The following PLRG1 variants were observed in gnomAD, a reference collection of about 807,000 sequenced individuals.
PLRG1 encodes pleiotropic regulator 1, also known as pleiotropic regulator 1 (PRL1 homolog, Arabidopsis).
Under a neutral mutation model 74.9 loss-of-function variants are expected in PLRG1, and 28 were observed. The observed-to-expected ratio is 0.37, with a 90% CI of 0.28 to 0.51. The LOEUF (loss-of-function observed/expected upper bound fraction) is 0.51. Ranked by LOEUF, PLRG1 falls within the 20% of genes least tolerant of loss-of-function variation. PLRG1 has a pLI of 0.91. For synonymous variants in PLRG1, 197 were observed against 212.4 expected (o/e 0.93, Z 0.63); for missense variants, 445 against 631.9 (o/e 0.70, Z 3.17).
intron 6 of PLRG1, 32 bp from the exon 7 acceptor site, chr4:154,544,578 A>T: frequency 8.3e-7 from 1 of 1,201,480 alleles, no homozygotes; most frequent in Non-Finnish European, 1.2e-6. Context: ...TTATTATTAA[A>T]GACATCATAC....
chr4:154,546,596 A>G (rs1052960424), intron 4 of PLRG1: 7 of 292,136 alleles, frequency 2.4e-5, no homozygotes, highest in African/African-American at 8.8e-5. Context: ...CTTTCTTTAC[A>G]TACTAAGCCT....
At chr4:154,549,039 T>G in intron 1 of PLRG1, 104 bp from the exon 2 acceptor site, 1 of 716,112 alleles carries the variant, frequency 1.4e-6, no homozygotes, top group Admixed American at 2.0e-5. Flanking sequence ...TGTAAAAAGC[T>G]TTATACCACT....
chr4:154,545,040 C>T (rs1334298823), intron 6 of PLRG1, among the ~76,000 whole-genome samples: 1 of 152,130 alleles, frequency 6.6e-6, no homozygotes, highest in African/African-American at 2.4e-5. Flanking sequence ...TATTTAAATA[C>T]TATTTTAACA....
rs1578766778 is a variant in PLRG1 at position 154,539,804 on chromosome 4, C to T, written c.1042+147G>A. 6.1e-5 allele frequency: 39 copies of T among 640,190 alleles called. 1 individual carries two copies. The South Asian group carries it at 6.8e-4, about 11-fold the overall frequency. The allele number at this position is 640,190 out of a possible 1,614,324, so 39.7% of individuals were successfully genotyped here. A position where few individuals can be genotyped will look rare whatever the true frequency, so the allele number is the denominator to read the frequency against. ...AGTGGAATGAAATTTCATTTGAATACATTTCAATTGTCCATGATTAAAATA... is the reference window on the plus strand; with the variant it reads ...AGTGGAATGAAATTTCATTTGAATATATTTCAATTGTCCATGATTAAAATA... On this transcript the variant is annotated intron_variant, in intron 11 of 14. Transcript: ENST00000499023.
At chr4:154,540,254 C>T in intron 10 of PLRG1, 1 of 583,360 alleles carries the variant, frequency 1.7e-6, no homozygotes, top group South Asian at 2.2e-5. Context: ...TTCTAAAAAG[C>T]TAAAAGATCA....
intron 2 of PLRG1, 120 bp from the exon 3 acceptor site, chr4:154,547,973 G>A (rs1729690293): frequency 1.4e-6 from 1 of 694,980 alleles, no homozygotes; most frequent in Non-Finnish European, 2.3e-6. Context: ...GTATTTAAAA[G>A]AATCAAAAAT....
At chr4:154,541,008 A>C in intron 8 of PLRG1, 74 bp from the exon 9 acceptor site, 1 of 1,128,034 alleles carries the variant, frequency 8.9e-7, no homozygotes, top group Non-Finnish European at 1.2e-6. Flanking sequence ...CTGATTATTA[A>C]AACTGAGCTT....
At position 154,536,802 on chromosome 4, in the gene PLRG1, G is replaced by T. The variant is rs1042265370; in HGVS notation, c.1486-58C>A. The T allele has an allele frequency of 2.6e-5, 23 of 880,742 alleles. No individual in the cohort carries two copies. The Admixed American group carries it at 5.4e-4, about 21-fold the overall frequency. 54.6% of individuals were successfully genotyped at this position (880,742 alleles called of 1,614,324 possible). A position where few individuals can be genotyped will look rare whatever the true frequency, so the allele number is the denominator to read the frequency against. On this transcript the variant is annotated intron_variant, in intron 14 of 14. Transcript: ENST00000499023. ...TTATTAGTTTGCTTCATGTCTAATA[G>T]GCTTCCTTTCTAACAAAAATAAGGT... is the stretch of plus-strand genomic sequence containing the variant.
At position 154,544,434 on chromosome 4, in the gene PLRG1, G is replaced by A; in HGVS notation, c.594+11C>T. 1 of 1,413,208 alleles carries A rather than the reference G, an allele frequency of 7.1e-7. No homozygotes were observed. The highest frequency in any genetic ancestry group is 1.0e-6 in the Non-Finnish European group (1 of 997,320). 87.5% of individuals were successfully genotyped at this position (1,413,208 alleles called of 1,614,324 possible). ...TGGTTCACATAATAAAATAAATGCAGAGTCACTCACCCTGTAGAGTTTCCA... is the reference window on the plus strand; with the variant it reads ...TGGTTCACATAATAAAATAAATGCAAAGTCACTCACCCTGTAGAGTTTCCA... On this transcript the variant is annotated intron_variant, in intron 7 of 14. Transcript: ENST00000499023.
At position 154,536,752 on chromosome 4, in the gene PLRG1, T is replaced by C. The variant is rs200722097; in HGVS notation, c.1486-8A>G. On this transcript the variant is annotated splice_polypyrimidine_tract_variant and splice_region_variant and intron_variant, in intron 14 of 14. Coordinates refer to ENST00000499023, the MANE Select transcript of PLRG1 (RefSeq NM_002669.4). ...TGGATGAGTTTCTTCTGTCTAAAAA[T>C]AGAAAAGTGAGTTAAAATAAAGTAT... 1.9e-5 allele frequency: 27 copies of C among 1,444,786 alleles called. No individual in the cohort carries two copies. In the African/African-American group the frequency reaches 3.2e-4, roughly 17 times the overall value. The allele number at this position is 1,444,786 out of a possible 1,614,324, so 89.5% of individuals were successfully genotyped here.
chr4:154,546,153 G>C lies in PLRG1; in HGVS notation c.374C>G (p.Ser125Cys), dbSNP rs761203390. ...QRMPSESAAQ[S>C]LAVALPLQTK... is the part of the protein sequence containing the mutation. ...CTGCAAAGGTAATGCCACCGCTAAG[G>C]ACTGTGCAGCTGATTCACTTGGCAT... The change falls in exon 5 of 15, where the codon TCC becomes TGC. Residue 125 changes from serine (S) to cysteine (C), a missense_variant. Coordinates refer to ENST00000499023, the MANE Select transcript of PLRG1 (RefSeq NM_002669.4). 1 of 1,605,020 alleles carries C rather than the reference G, an allele frequency of 6.2e-7. No homozygotes were observed. The highest frequency in any genetic ancestry group is 1.7e-5 in the Admixed American group (1 of 59,970).
chr4:154,539,052 A>G (rs1729507296), intron 12 of PLRG1, 53 bp downstream of exon 12: 7 of 1,045,250 alleles, frequency 6.7e-6, no homozygotes, highest in Admixed American at 3.4e-5. Flanking sequence ...GCATTTCAGC[A>G]TTATCTTAAG....
Position 154,535,585 on chromosome 4 carries a change from A to G in PLRG1, c.*1100T>C, listed in dbSNP as rs957805655. ...TTAATTTGGAAAATTTAAAAAATTG[A>G]CTGTTCTTATAACTGTGTTTTCTAA... On this transcript the variant is annotated 3_prime_UTR_variant, in exon 15 of 15. Transcript: ENST00000499023. The G allele has an allele frequency of 6.6e-6, 1 of 151,564 alleles. No individual in the cohort carries two copies. Among genetic ancestry groups the G allele is most frequent in the African/African-American group, 2.4e-5 (1 of 41,224 alleles). 9.4% of individuals were successfully genotyped at this position (151,564 alleles called of 1,614,324 possible). A position where few individuals can be genotyped will look rare whatever the true frequency, so the allele number is the denominator to read the frequency against.
chr4:154,539,069 A>C, intron 12 of PLRG1, 36 bp downstream of exon 12: 1 of 1,201,934 alleles, frequency 8.3e-7, no homozygotes, highest in Non-Finnish European at 1.2e-6. Flanking sequence ...TAAGAACTGA[A>C]GAAAAACAAG....
Position 154,546,895 on chromosome 4 carries a change from C to G in PLRG1, c.313+116G>C, listed in dbSNP as rs111237734. ...TTACCTACAAAGCTATGCATGGATG[C>G]TTGGCTACTGAGCTTATCTTGCATT... On this transcript the variant is annotated intron_variant, in intron 4 of 14. Coordinates refer to ENST00000499023, the MANE Select transcript of PLRG1 (RefSeq NM_002669.4). 10 of 788,956 alleles carry G rather than the reference C, an allele frequency of 1.3e-5. No individual in the cohort carries two copies. The Admixed American group carries it at 1.3e-4, about 10-fold the overall frequency. 48.9% of individuals were successfully genotyped at this position (788,956 alleles called of 1,614,324 possible). A position where few individuals can be genotyped will look rare whatever the true frequency, so the allele number is the denominator to read the frequency against.
In PLRG1 at chr4:154,536,680, A is replaced by G. The variant is rs1729458935; in HGVS notation, c.*5T>C. 2.1e-6 allele frequency: 3 copies of G among 1,438,296 alleles called. No homozygotes were observed. Among genetic ancestry groups the G allele is most frequent in the Admixed American group, 3.9e-5 (2 of 51,792 alleles). The allele number at this position is 1,438,296 out of a possible 1,614,324, so 89.1% of individuals were successfully genotyped here. A position where few individuals can be genotyped will look rare whatever the true frequency, so the allele number is the denominator to read the frequency against. ...AAAAAAGAGAGAGAAAAAATTCCAC[A>G]TTCATTAAAATCTCTTTCTCTTGAT... is the stretch of plus-strand genomic sequence containing the variant. On this transcript the variant is annotated 3_prime_UTR_variant, in exon 15 of 15. Transcript: ENST00000499023.
chr4:154,540,382 C>T, intron 10 of PLRG1: 1 of 586,926 alleles, frequency 1.7e-6, no homozygotes, highest in Admixed American at 3.2e-5. Flanking sequence ...ATTTCAGGGG[C>T]AGGGCACTAA....
intron 8 of PLRG1, chr4:154,541,880 C>CTA: frequency 3.2e-6 from 1 of 310,358 alleles, no homozygotes; most frequent in Non-Finnish European, 6.1e-6. Flanking sequence ...TCCTAATTCT[C>CTA]TATATTTTCC....
At chr4:154,547,877 G>A (rs765229534) in intron 2 of PLRG1, 24 bp from the exon 3 acceptor site, 1 of 1,558,408 alleles carries the variant, frequency 6.4e-7, no homozygotes, top group Non-Finnish European at 8.8e-7. Context: ...ATAAACATAA[G>A]AACGTATCCA....
Sources: allele counts gnomAD v4.1 joint callset (sites outside exome capture counted in the v4.1 genomes callset), GRCh38; gene constraint gnomAD v4.1.1; transcripts MANE v1.5; gene names NCBI Gene and HGNC (gene_info 2026-07-23, HGNC 2026-07-21).